Variants in SLC17A5 observed in about 807,000 individuals in gnomAD.
The protein encoded by SLC17A5 is sialin.
Under a neutral mutation model 59.4 loss-of-function variants are expected in SLC17A5, and 47 were observed. That is an observed-to-expected ratio of 0.79 (90% CI 0.63 to 1.01). The LOEUF (loss-of-function observed/expected upper bound fraction) is 1.01. SLC17A5 is among the 50% of genes least tolerant of loss of function. The pLI, the probability that SLC17A5 is intolerant of heterozygous loss-of-function variation, is 0.00. For synonymous variants in SLC17A5, 202 were observed against 210.7 expected (o/e 0.96, Z 0.36); for missense variants, 522 against 595.5 (o/e 0.88, Z 1.28).
intron 7 of SLC17A5, among the ~76,000 whole-genome samples, chr6:73,617,267 C>T (rs1168390369): frequency 1.3e-5 from 2 of 149,648 alleles, no homozygotes; most frequent in Non-Finnish European, 3.0e-5. Context: ...GTCAGTCCAG[C>T]ATGGGTGACA....
intron 10 of SLC17A5, among the ~76,000 whole-genome samples, chr6:73,598,240 A>G (rs1766905004): frequency 6.6e-6 from 1 of 152,248 alleles, no homozygotes; most frequent in South Asian, 2.1e-4. Flanking sequence ...TTTGTTTATA[A>G]CAACATTGAA....
intron 7 of SLC17A5, 41 bp from the exon 8 acceptor site, chr6:73,615,488 G>GA (rs749217423): frequency 1.1e-5 from 17 of 1,605,392 alleles, no homozygotes; most frequent in Non-Finnish European, 1.4e-5. Context: ...TACGGTGAGA[G>GA]AAAAAAACAA....
intron 1 of SLC17A5, among the ~76,000 whole-genome samples, chr6:73,650,256 T>G (rs1290110878): frequency 6.7e-6 from 1 of 149,120 alleles, no homozygotes; most frequent in African/African-American, 2.5e-5. Context: ...ACGCCTGTAA[T>G]CCCAGCACTC....
rs1389325958 is a variant in SLC17A5, at chr6:73,594,709, G to T, written c.*368C>A. The stretch of plus-strand genomic sequence containing the variant: ...TTTATGAGGAAAGTGAACAACAACA[G>T]GTGTTTATCAGTACCTGAGAATTAT... On this transcript the variant is annotated 3_prime_UTR_variant, in exon 11 of 11. Transcript: ENST00000355773. 7 of 270,120 alleles carry T rather than the reference G, an allele frequency of 2.6e-5. No individual in the cohort carries two copies. Among genetic ancestry groups the T allele is most frequent in the Non-Finnish European group, 5.0e-5 (7 of 139,884 alleles). 16.7% of individuals were successfully genotyped at this position (270,120 alleles called of 1,614,324 possible).
chr6:73,628,524 T>C (rs930543768), intron 6 of SLC17A5, among the ~76,000 whole-genome samples: 2 of 152,162 alleles, frequency 1.3e-5, no homozygotes, highest in African/African-American at 2.4e-5. Flanking sequence ...TGAGCTGAGA[T>C]AGTGCCACTG....
At position 73,595,227 on chromosome 6, in the gene SLC17A5, A is replaced by G; in HGVS notation, c.1351-13T>C. The G allele has an allele frequency of 1.2e-6, 2 of 1,614,036 alleles. No homozygotes were observed. The highest frequency in any genetic ancestry group is 2.2e-5 in the South Asian group (2 of 91,082). On this transcript the variant is annotated splice_polypyrimidine_tract_variant and intron_variant, in intron 10 of 10. Transcript: ENST00000355773. ...CTCCAACAGTGTTCTATAAAGGAAG[A>G]CAAAAAATGCAAGTGAAATAAAATT... is the stretch of plus-strand genomic sequence containing the variant.
chr6:73,598,487 C>T (rs1000115139), intron 10 of SLC17A5, among the ~76,000 whole-genome samples: 13 of 151,868 alleles, frequency 8.6e-5, no homozygotes, highest in South Asian at 4.2e-4. Context: ...AAAAATTAGC[C>T]GGGTGTGGTG....
At chr6:73,646,070 A>G (rs1320042858) in intron 1 of SLC17A5, among the ~76,000 whole-genome samples, 3 of 152,222 alleles carry the variant, frequency 2.0e-5, no homozygotes, top group African/African-American at 7.2e-5. Context: ...ATACCTCTTT[A>G]AAGATATAAA....
chr6:73,624,495 T>G (rs2150102197), intron 6 of SLC17A5, among the ~76,000 whole-genome samples: 1 of 152,362 alleles, frequency 6.6e-6, no homozygotes, highest in African/African-American at 2.4e-5. Flanking sequence ...ATATTCTGTT[T>G]ATTTCATCTA....
rs2150115330 is a variant in SLC17A5, at chr6:73,638,510, G to A, written c.526-11C>T. On this transcript the variant is annotated splice_polypyrimidine_tract_variant and intron_variant, in intron 3 of 10. Transcript: ENST00000355773. ...TGGAAATGTAACACCCTGAGAGAAG[G>A]GAACATGATATTTCTGATGAAATGT... The A allele has an allele frequency of 6.3e-7, 1 of 1,597,210 alleles. No homozygotes were observed. The highest frequency in any genetic ancestry group is 8.6e-7 in the Non-Finnish European group (1 of 1,164,790).
intron 2 of SLC17A5, among the ~76,000 whole-genome samples, chr6:73,643,167 A>T (rs897459560): frequency 6.0e-5 from 9 of 151,078 alleles, no homozygotes; most frequent in Non-Finnish European, 1.0e-4. Flanking sequence ...ATTTATTTTT[A>T]AATTTTTTTT....
chr6:73,653,984 G>A lies in SLC17A5; in HGVS notation c.-98C>T, dbSNP rs1562004339. The A allele has an allele frequency of 8.7e-7, 1 of 1,145,260 alleles. No homozygotes were observed. Among genetic ancestry groups the A allele is most frequent in the Non-Finnish European group, 1.3e-6 (1 of 793,584 alleles). 70.9% of individuals were successfully genotyped at this position (1,145,260 alleles called of 1,614,324 possible). ...GGGCCGAGCTGGCTGGACCGGGCGG[G>A]GCGGGGGCGATGACACCGCCCCGCG... On this transcript the variant is annotated 5_prime_UTR_variant, in exon 1 of 11. Transcript: ENST00000355773.
chr6:73,633,404 T>C (rs886943999), intron 6 of SLC17A5, among the ~76,000 whole-genome samples: 3 of 151,832 alleles, frequency 2.0e-5, no homozygotes, highest in Non-Finnish European at 4.4e-5. Flanking sequence ...AGTACATTTT[T>C]CCTTCTTTTT....
intron 6 of SLC17A5, among the ~76,000 whole-genome samples, chr6:73,627,002 C>T (rs1204065029): frequency 6.6e-6 from 1 of 152,044 alleles, no homozygotes; most frequent in Non-Finnish European, 1.5e-5. Flanking sequence ...GAACTCGTGA[C>T]CTCAGGTGAT....
chr6:73,615,893 T>G (rs1205235629), intron 7 of SLC17A5, among the ~76,000 whole-genome samples: 2 of 145,706 alleles, frequency 1.4e-5, no homozygotes, highest in African/African-American at 2.5e-5. Flanking sequence ...TTTTTTTTTT[T>G]TTTTTTTTTT....
intron 9 of SLC17A5, among the ~76,000 whole-genome samples, chr6:73,609,972 G>A (rs1226621682): frequency 4.6e-5 from 7 of 151,944 alleles, no homozygotes; most frequent in Admixed American, 4.6e-4. Flanking sequence ...GAAACAATGT[G>A]AATACTTAAT....
chr6:73,637,089 A>G (rs1769047578), intron 4 of SLC17A5, among the ~76,000 whole-genome samples: 1 of 152,104 alleles, frequency 6.6e-6, no homozygotes, highest in Non-Finnish European at 1.5e-5. Flanking sequence ...AAAAAAAAAA[A>G]AAAGGCTAAA....
intron 2 of SLC17A5, among the ~76,000 whole-genome samples, chr6:73,643,136 A>AATTT (rs199849471): frequency 0.011 from 1,703 of 151,320 alleles, 38 homozygotes; most frequent in East Asian, 0.1. Context: ...AATGGGTGAA[A>AATTT]ATTTATTTAT....
At chr6:73,650,456 C>T (rs1189203543) in intron 1 of SLC17A5, among the ~76,000 whole-genome samples, 42 of 136,088 alleles carry the variant, frequency 3.1e-4, no homozygotes, top group Admixed American at 2.8e-3. Context: ...TGCAGTGAGC[C>T]GAGATAGCGC....
Sources: gnomAD v4.1 joint callset for allele counts (sites outside exome capture counted in the v4.1 genomes callset) on GRCh38, gnomAD v4.1.1 for gene constraint, MANE v1.5 for transcripts, NCBI Gene and HGNC (gene_info 2026-07-23, HGNC 2026-07-21) for gene names.